C1orf21: variants seen among roughly 807,000 people sequenced by gnomAD.
C1orf21 encodes the protein chromosome 1 open reading frame 21.
Under a neutral mutation model 18.7 loss-of-function variants are expected in C1orf21, and 3 were observed. That is an observed-to-expected ratio of 0.16 (90% CI 0.07 to 0.42). The LOEUF is 0.42. C1orf21 is among the 10% of genes least tolerant of loss of function. C1orf21 has a pLI of 0.99. For missense variants in C1orf21, 104 were observed against 143.6 expected, an observed-to-expected ratio of 0.72 and a Z score of 1.41; for synonymous variants, 41 against 46.4, an observed-to-expected ratio of 0.88 and a Z score of 0.47.
intron 1 of C1orf21, among the ~76,000 whole-genome samples, chr1:184,401,151 G>A (rs2101957063): frequency 6.6e-6 from 1 of 152,102 alleles, no homozygotes; most frequent in South Asian, 2.1e-4. Flanking sequence ...CTTTTTCTAT[G>A]AACAGTTTCT....
Position 184,576,741 on chromosome 1 carries a change from G to A in C1orf21, c.190-13998G>A, listed in dbSNP as rs1316653478. Among the ~76,000 whole-genome samples, 3 of 152,196 alleles carry A rather than the reference G, an allele frequency of 2.0e-5. No homozygotes were observed. The East Asian group carries it at 5.8e-4, about 29-fold the overall frequency. On this transcript the variant is annotated intron_variant, in intron 3 of 5. Coordinates refer to ENST00000235307, the MANE Select transcript of C1orf21 (RefSeq NM_030806.4). ...GCCTCCCTACCTCCAGTTCTCATGG[G>A]TACTGCTGCCCGAGTGGTCTTTCGA...
chr1:184,449,203 C>T (rs1183132906), intron 1 of C1orf21, among the ~76,000 whole-genome samples: 2 of 151,286 alleles, frequency 1.3e-5, no homozygotes, highest in Admixed American at 6.6e-5. Flanking sequence ...TCCCCCTTCC[C>T]CCCACCCTAC....
chr1:184,564,609 A>C (rs1287142660), intron 3 of C1orf21, among the ~76,000 whole-genome samples: 1 of 152,148 alleles, frequency 6.6e-6, no homozygotes, highest in Non-Finnish European at 1.5e-5. Context: ...CTGGCCTAAT[A>C]ATAATAATTC....
chr1:184,413,336 CG>C (rs1226886972), intron 1 of C1orf21, among the ~76,000 whole-genome samples: 1 of 152,022 alleles, frequency 6.6e-6, no homozygotes, highest in Non-Finnish European at 1.5e-5. Context: ...CTCACATCCC[CG>C]TAAAAATTAT....
chr1:184,441,490 C>G (rs1386678372), intron 1 of C1orf21, among the ~76,000 whole-genome samples: 5 of 152,160 alleles, frequency 3.3e-5, no homozygotes, highest in Non-Finnish European at 7.4e-5. Flanking sequence ...CCTAAAGGAA[C>G]ATTTTTGCTT....
intron 3 of C1orf21, among the ~76,000 whole-genome samples, chr1:184,526,768 A>C (rs1439328961): frequency 6.6e-6 from 1 of 152,170 alleles, no homozygotes; most frequent in Admixed American, 6.5e-5. Context: ...GGAAGGGAGA[A>C]CCGAGGGAAA....
intron 3 of C1orf21, among the ~76,000 whole-genome samples, chr1:184,583,384 A>C (rs952642756): frequency 3.3e-5 from 5 of 152,218 alleles, no homozygotes; most frequent in African/African-American, 1.2e-4. Flanking sequence ...GTTTAAATAA[A>C]TCTGTCACTA....
chr1:184,396,837 G>A (rs886330438), intron 1 of C1orf21, among the ~76,000 whole-genome samples: 1 of 152,024 alleles, frequency 6.6e-6, no homozygotes, highest in Non-Finnish European at 1.5e-5. Context: ...TCCCCCCACC[G>A]CCTGCAACTG....
At chr1:184,578,018 G>A (rs1218841533) in intron 3 of C1orf21, among the ~76,000 whole-genome samples, 3 of 139,070 alleles carry the variant, frequency 2.2e-5, no homozygotes, top group East Asian at 4.7e-4. Context: ...CAGTGGCGCC[G>A]CCATCTCAGC....
intron 2 of C1orf21, among the ~76,000 whole-genome samples, chr1:184,504,220 A>T (rs1195796958): frequency 1.3e-5 from 2 of 152,192 alleles, no homozygotes; most frequent in Non-Finnish European, 1.5e-5. Context: ...GCATTTTAAT[A>T]AGCCACCTGA....
chr1:184,467,865 C>T (rs1657426417), intron 1 of C1orf21, among the ~76,000 whole-genome samples: 1 of 152,118 alleles, frequency 6.6e-6, no homozygotes, highest in Admixed American at 6.5e-5. Flanking sequence ...TAAATGAGGA[C>T]CCAAGGCACT....
chr1:184,551,894 T>C lies in C1orf21; in HGVS notation c.190-38845T>C, dbSNP rs1276840970. Among the ~76,000 whole-genome samples, 3 of 148,650 alleles carry C rather than the reference T, an allele frequency of 2.0e-5. No homozygotes were observed. In the East Asian group the frequency reaches 5.9e-4, roughly 29 times the overall value. On this transcript the variant is annotated intron_variant, in intron 3 of 5. Coordinates refer to ENST00000235307, the MANE Select transcript of C1orf21 (RefSeq NM_030806.4). ...TGGCATGTGCCTGTAGACCTGGCTA[T>C]GGCTACACCACTGTAATTGAGCCTG...
intron 3 of C1orf21, among the ~76,000 whole-genome samples, chr1:184,580,952 G>A (rs1659266500): frequency 6.6e-6 from 1 of 151,906 alleles, no homozygotes; most frequent in Non-Finnish European, 1.5e-5. Flanking sequence ...ATTTAGATGT[G>A]GTCCTGTGAC....
chr1:184,470,763 C>T (rs1320527214), intron 1 of C1orf21, among the ~76,000 whole-genome samples: 2 of 152,074 alleles, frequency 1.3e-5, no homozygotes, highest in Non-Finnish European at 2.9e-5. Context: ...TTTGTAATCC[C>T]AGCTACTAGG....
intron 2 of C1orf21, among the ~76,000 whole-genome samples, chr1:184,491,607 C>T (rs1207637407): frequency 6.6e-6 from 1 of 152,204 alleles, no homozygotes; most frequent in Non-Finnish European, 1.5e-5. Flanking sequence ...CCACCTTGGC[C>T]TCCCAAAGTG....
intron 3 of C1orf21, among the ~76,000 whole-genome samples, chr1:184,536,548 C>T (rs535451869): frequency 1.8e-4 from 27 of 152,266 alleles, no homozygotes; most frequent in African/African-American, 4.8e-4. Flanking sequence ...ATGGCTGTCA[C>T]GTCATGTCCA....
chr1:184,491,342 T>A (rs1055625931), intron 2 of C1orf21, among the ~76,000 whole-genome samples: 2 of 151,798 alleles, frequency 1.3e-5, no homozygotes, highest in Non-Finnish European at 2.9e-5. Context: ...AGTACTTTCC[T>A]TCTTTCTTTT....
At chr1:184,461,158 T>C (rs1464929914) in intron 1 of C1orf21, among the ~76,000 whole-genome samples, 3 of 152,190 alleles carry the variant, frequency 2.0e-5, no homozygotes, top group Non-Finnish European at 4.4e-5. Flanking sequence ...TGTGTTGACC[T>C]ACTCCATTGA....
Position 184,618,646 on chromosome 1 carries a change from C to G in C1orf21, c.328-872C>G, listed in dbSNP as rs528525532. ...CTTTTAAAAGAACATTCCCCCCCCC[C>G]AAGAAAAATGAAACATGTAGTGTGT... On this transcript the variant is annotated intron_variant, in intron 5 of 5. Coordinates refer to ENST00000235307, the MANE Select transcript of C1orf21 (RefSeq NM_030806.4). Among the ~76,000 whole-genome samples the G allele has an allele frequency of 6.8e-5, 10 of 147,992 alleles. No homozygotes were observed. The Admixed American group carries it at 6.8e-4, about 10-fold the overall frequency.
Sources: allele counts gnomAD v4.1 joint callset (sites outside exome capture counted in the v4.1 genomes callset), GRCh38; gene constraint gnomAD v4.1.1; transcripts MANE v1.5; gene names NCBI Gene and HGNC (gene_info 2026-07-23, HGNC 2026-07-21).